The following HIRA variants were observed in gnomAD, a reference collection of about 807,000 sequenced individuals.
HIRA encodes protein HIRA.
Under a neutral mutation model 126.6 loss-of-function variants are expected in HIRA, and 13 were observed. That is an observed-to-expected ratio of 0.10 (90% CI 0.07 to 0.16). The LOEUF (loss-of-function observed/expected upper bound fraction) is 0.16. HIRA is among the 10% of genes least tolerant of loss of function. The pLI, the probability that HIRA is intolerant of heterozygous loss-of-function variation, is 1.00. For synonymous variants in HIRA, 511 were observed against 520.0 expected (o/e 0.98, Z 0.24); for missense variants, 834 against 1,314.4 (o/e 0.63, Z 5.65).
At chr22:19,399,323 T>TA (rs779143784) in intron 5 of HIRA, 115 of 187,378 alleles carry the variant, frequency 6.1e-4, no homozygotes, top group Admixed American at 1.4e-3. Context: ...TTTTTCCAGT[T>TA]AAAAAAAAAC....
At chr22:19,350,048 C>G (rs555822830) in intron 24 of HIRA, among the ~76,000 whole-genome samples, 1 of 150,912 alleles carries the variant, frequency 6.6e-6, no homozygotes, top group Non-Finnish European at 1.5e-5. Context: ...AGTGCAGTGG[C>G]GCGATCTTGG....
At chr22:19,348,758 G>A (rs2088719241) in intron 24 of HIRA, among the ~76,000 whole-genome samples, 1 of 151,776 alleles carries the variant, frequency 6.6e-6, no homozygotes, top group African/African-American at 2.4e-5. Flanking sequence ...GCCTCCCAAA[G>A]TGCTGGAATT....
At chr22:19,350,261 T>C (rs1601808572) in intron 24 of HIRA, among the ~76,000 whole-genome samples, 1 of 152,228 alleles carries the variant, frequency 6.6e-6, no homozygotes, top group South Asian at 2.1e-4. Flanking sequence ...TCAGTCTGCC[T>C]TATTCACTGC....
chr22:19,333,180 T>A (rs770512156), intron 24 of HIRA, among the ~76,000 whole-genome samples: 5 of 152,168 alleles, frequency 3.3e-5, no homozygotes, highest in Non-Finnish European at 7.3e-5. Flanking sequence ...AGTGCTGGGA[T>A]TAAAGGCGTG....
At chr22:19,422,637 A>G (rs2089457640) in intron 1 of HIRA, among the ~76,000 whole-genome samples, 1 of 152,092 alleles carries the variant, frequency 6.6e-6, no homozygotes, top group Non-Finnish European at 1.5e-5. Flanking sequence ...CAAACCCTCC[A>G]GGCAAGTTCC....
At chr22:19,368,388 T>G (rs2088933658) in intron 15 of HIRA, among the ~76,000 whole-genome samples, 1 of 152,232 alleles carries the variant, frequency 6.6e-6, no homozygotes, top group Non-Finnish European at 1.5e-5. Flanking sequence ...AGCTTAATAT[T>G]CTGGAAGTCC....
chr22:19,384,178 C>T lies in HIRA; in HGVS notation c.1330-473G>A, dbSNP rs188720280. ...ACTAAAAATACAAAAATTAGCTGGGCGTGGTGGTGTGTAACTGTAATCCCA... is the reference window on the plus strand; with the variant it reads ...ACTAAAAATACAAAAATTAGCTGGGTGTGGTGGTGTGTAACTGTAATCCCA... On this transcript the variant is annotated intron_variant, in intron 12 of 24. Transcript: ENST00000263208. Among the ~76,000 whole-genome samples the T allele has an allele frequency of 4.2e-3, 641 of 151,838 alleles. 4 individuals carry two copies. Among genetic ancestry groups the T allele is most frequent in the African/African-American group, 0.015 (603 of 41,420 alleles).
rs1343494826 is a variant in HIRA, at chr22:19,333,407, T to C, written c.2938-1851A>G. On this transcript the variant is annotated intron_variant, in intron 24 of 24. Transcript: ENST00000263208. ...GAAAATGGAGAAATTCCTAGAAAAA[T>C]ATAATTTATCAAAACTAGCTCAAAA... is the stretch of plus-strand genomic sequence containing the variant. 5.3e-4 allele frequency among the ~76,000 whole-genome samples: 81 copies of C among 152,012 alleles called. 1 individual carries two copies. The highest frequency in any genetic ancestry group is 5.3e-3 in the Admixed American group (81 of 15,268).
At chr22:19,363,007 G>C (rs2088878671) in intron 15 of HIRA, among the ~76,000 whole-genome samples, 1 of 151,624 alleles carries the variant, frequency 6.6e-6, no homozygotes, top group African/African-American at 2.4e-5. Context: ...GCTGAGGTGG[G>C]TGAATCACCT....
At chr22:19,406,228 TC>T (rs1346454416) in intron 4 of HIRA, among the ~76,000 whole-genome samples, 2 of 152,200 alleles carry the variant, frequency 1.3e-5, no homozygotes, top group African/African-American at 2.4e-5. Flanking sequence ...AGGACACACA[TC>T]CCAAAATGTC....
chr22:19,343,804 G>A (rs2088657397), intron 24 of HIRA, among the ~76,000 whole-genome samples: 1 of 151,666 alleles, frequency 6.6e-6, no homozygotes, highest in East Asian at 1.9e-4. Context: ...GTGCACGCCT[G>A]TAATCCCAGC....
At chr22:19,334,946 G>A (rs1556005563) in intron 24 of HIRA, among the ~76,000 whole-genome samples, 1 of 151,640 alleles carries the variant, frequency 6.6e-6, no homozygotes, top group African/African-American at 2.4e-5. Context: ...CTATTTGTTA[G>A]TTTTTTAGCT....
intron 15 of HIRA, among the ~76,000 whole-genome samples, chr22:19,365,066 G>A (rs1248967505): frequency 2.6e-5 from 4 of 152,214 alleles, no homozygotes; most frequent in Non-Finnish European, 5.9e-5. Context: ...TCCAAAGCAA[G>A]GCTCTAACTA....
At chr22:19,365,851 G>A (rs893815309) in intron 15 of HIRA, 4 of 151,932 alleles carry the variant, frequency 2.6e-5, no homozygotes, top group African/African-American at 4.8e-5. Flanking sequence ...ATGCCAATTG[G>A]GTGTCCACAC....
intron 24 of HIRA, among the ~76,000 whole-genome samples, chr22:19,334,253 G>C (rs2088535411): frequency 6.6e-6 from 1 of 151,248 alleles, no homozygotes; most frequent in South Asian, 2.1e-4. Flanking sequence ...GGGATTACAG[G>C]CATGAGCCAC....
At chr22:19,404,617 A>C (rs1053639553) in intron 5 of HIRA, among the ~76,000 whole-genome samples, 1 of 151,982 alleles carries the variant, frequency 6.6e-6, no homozygotes, top group African/African-American at 2.4e-5. Flanking sequence ...CTAACAATGG[A>C]TTATAGCTGA....
intron 1 of HIRA, among the ~76,000 whole-genome samples, chr22:19,422,837 G>GC (rs2089459094): frequency 6.6e-6 from 1 of 152,118 alleles, no homozygotes; most frequent in South Asian, 2.1e-4. Context: ...GGTCAGACCT[G>GC]CCCTCAGTGG....
intron 9 of HIRA, among the ~76,000 whole-genome samples, chr22:19,391,802 A>C (rs980074051): frequency 1.3e-5 from 2 of 152,096 alleles, no homozygotes; most frequent in Non-Finnish European, 2.9e-5. Context: ...TTCTAATAGG[A>C]AGCAAGCCCA....
chr22:19,400,805 C>T (rs769876782), intron 5 of HIRA, among the ~76,000 whole-genome samples: 4 of 152,076 alleles, frequency 2.6e-5, no homozygotes, highest in South Asian at 2.1e-4. Context: ...TTCTGATGAC[C>T]GTGGCTTCCA....
Sources: gnomAD v4.1 joint callset for allele counts (sites outside exome capture counted in the v4.1 genomes callset) on GRCh38, gnomAD v4.1.1 for gene constraint, MANE v1.5 for transcripts, NCBI Gene and HGNC (gene_info 2026-07-23, HGNC 2026-07-21) for gene names.